The following AKAP19 variants were observed in gnomAD, a reference collection of about 807,000 sequenced individuals.
The protein encoded by AKAP19 is small A-kinase anchoring protein.
the AKAP19 span, among the ~76,000 whole-genome samples, chr2:190,113,381 A>G: frequency 1.3e-5 from 2 of 152,222 alleles, no homozygotes; most frequent in African/African-American, 4.8e-5. Context: ...GCATTCTTCA[A>G]AGTTTAACAT....
the AKAP19 span, among the ~76,000 whole-genome samples, chr2:190,114,754 C>G: frequency 6.6e-6 from 1 of 152,186 alleles, no homozygotes; most frequent in African/African-American, 2.4e-5. Flanking sequence ...CCGCGCCCAG[C>G]TGAAAAGAAA....
the AKAP19 span, among the ~76,000 whole-genome samples, chr2:190,174,990 G>GT: frequency 8.7e-6 from 1 of 114,512 alleles, no homozygotes; most frequent in African/African-American, 2.8e-5. Context: ...AAGCACATAA[G>GT]ATACATAGAT....
chr2:189,909,898 C>T, the AKAP19 span, among the ~76,000 whole-genome samples: 8 of 151,054 alleles, frequency 5.3e-5, no homozygotes, highest in African/African-American at 1.7e-4. Flanking sequence ...CTACTAGTTT[C>T]GATAGTGATA....
chr2:190,065,527 A>C, the AKAP19 span, among the ~76,000 whole-genome samples: 4 of 152,202 alleles, frequency 2.6e-5, no homozygotes, highest in Admixed American at 6.5e-5. Flanking sequence ...TGCATGTGCT[A>C]GATAAGCATC....
the AKAP19 span, among the ~76,000 whole-genome samples, chr2:190,067,031 A>C: frequency 6.6e-6 from 1 of 152,090 alleles, no homozygotes; most frequent in Admixed American, 6.6e-5. Context: ...GATTCTCAAA[A>C]TTTTGGGTCT....
chr2:189,956,703 T>C, the AKAP19 span, among the ~76,000 whole-genome samples: 13 of 152,128 alleles, frequency 8.5e-5, no homozygotes, highest in African/African-American at 3.1e-4. Flanking sequence ...CTCAGCCTCC[T>C]GAGTAGCTAA....
chr2:190,198,631 C>CAAAAAAAAAAAAAAAAA, the AKAP19 span, among the ~76,000 whole-genome samples: 1 of 70,592 alleles, frequency 1.4e-5, no homozygotes, highest in Non-Finnish European at 2.6e-5. Context: ...GACCCTGTCT[C>CAAAAAAAAAAAAAAAAA]AAAAAAAAAA....
the AKAP19 span, among the ~76,000 whole-genome samples, chr2:190,194,764 T>A: frequency 6.6e-6 from 1 of 151,984 alleles, no homozygotes; most frequent in Admixed American, 6.6e-5. Context: ...TTCTAGAATG[T>A]CATATAGTTG....
chr2:190,092,032 GACTAT>G, the AKAP19 span, among the ~76,000 whole-genome samples: 2 of 151,952 alleles, frequency 1.3e-5, no homozygotes, highest in African/African-American at 4.8e-5. Flanking sequence ...CATTAAACAT[GACTAT>G]ACTATATTGT....
chr2:190,058,723 A>C, the AKAP19 span, among the ~76,000 whole-genome samples: 1 of 152,044 alleles, frequency 6.6e-6, no homozygotes, highest in Non-Finnish European at 1.5e-5. Flanking sequence ...ATGGAGCTGG[A>C]GGCCATTATT....
At chr2:189,961,109 C>T in the AKAP19 span, among the ~76,000 whole-genome samples, 16 of 152,290 alleles carry the variant, frequency 1.1e-4, no homozygotes, top group South Asian at 2.1e-3. Flanking sequence ...ACATATAAGA[C>T]AAGTGCGAGA....
At chr2:190,021,505 C>A in the AKAP19 span, among the ~76,000 whole-genome samples, 2 of 152,146 alleles carry the variant, frequency 1.3e-5, no homozygotes, top group Non-Finnish European at 2.9e-5. Flanking sequence ...CTGTTCTGGT[C>A]ACCTCTTAAA....
the AKAP19 span, among the ~76,000 whole-genome samples, chr2:190,185,813 T>C: frequency 5.3e-5 from 8 of 152,224 alleles, no homozygotes; most frequent in Non-Finnish European, 7.3e-5. Flanking sequence ...TCCTCAATTA[T>C]AATCTGGAGA....
the AKAP19 span, among the ~76,000 whole-genome samples, chr2:189,906,465 G>A: frequency 2.6e-5 from 4 of 151,936 alleles, no homozygotes. Flanking sequence ...CCAGAAAGTA[G>A]GAAGTTTTCA....
the AKAP19 span, among the ~76,000 whole-genome samples, chr2:190,126,505 C>T: frequency 6.6e-6 from 1 of 151,696 alleles, no homozygotes; most frequent in Non-Finnish European, 1.5e-5. Context: ...GATAAACCTA[C>T]AGAGTTTATT....
At chr2:190,068,118 A>G in the AKAP19 span, among the ~76,000 whole-genome samples, 1 of 152,076 alleles carries the variant, frequency 6.6e-6, no homozygotes, top group Non-Finnish European at 1.5e-5. Context: ...AGACTCAAAG[A>G]CTTGCTGTTA....
chr2:190,083,748 A>T, the AKAP19 span, among the ~76,000 whole-genome samples: 1 of 152,168 alleles, frequency 6.6e-6, no homozygotes, highest in Admixed American at 6.5e-5. Context: ...AAGAAGCTTC[A>T]AGAGGTGATG....
the AKAP19 span, among the ~76,000 whole-genome samples, chr2:190,007,530 G>T: frequency 6.6e-6 from 1 of 152,154 alleles, no homozygotes; most frequent in East Asian, 1.9e-4. Flanking sequence ...TTAGATATAT[G>T]GTAGAATGGG....
At chr2:190,045,352 C>T in the AKAP19 span, among the ~76,000 whole-genome samples, 1 of 151,876 alleles carries the variant, frequency 6.6e-6, no homozygotes, top group African/African-American at 2.4e-5. Context: ...AAGATGGAGT[C>T]CTACCCCTCC....
Sources: gnomAD v4.1 joint callset for allele counts (sites outside exome capture counted in the v4.1 genomes callset) on GRCh38, gnomAD v4.1.1 for gene constraint, MANE v1.5 for transcripts, NCBI Gene and HGNC (gene_info 2026-07-23, HGNC 2026-07-21) for gene names.